Variants in KAZN observed in about 807,000 individuals in gnomAD.
The protein encoded by KAZN is kazrin, periplakin interacting protein.
A neutral mutation model predicts 87.4 loss-of-function variants in KAZN; 40 were observed. That is an observed-to-expected ratio of 0.46 (90% CI 0.36 to 0.60). The LOEUF (loss-of-function observed/expected upper bound fraction) is 0.60. KAZN is among the 20% of genes least tolerant of loss of function. The pLI, the probability that KAZN is intolerant of heterozygous loss-of-function variation, is 0.00. For synonymous variants in KAZN, 466 were observed against 458.3 expected (o/e 1.02, Z -0.22); for missense variants, 898 against 1,073.9 (o/e 0.84, Z 2.29).
chr1:14,817,524 T>G (rs1448011297), intron 1 of KAZN, among the ~76,000 whole-genome samples: 1 of 152,230 alleles, frequency 6.6e-6, no homozygotes, highest in African/African-American at 2.4e-5. Flanking sequence ...TCAGGGTTAT[T>G]CATTCTTATG....
chr1:14,596,222 A>G (rs1183917838), upstream of KAZN, among the ~76,000 whole-genome samples: 1 of 152,164 alleles, frequency 6.6e-6, no homozygotes, highest in Non-Finnish European at 1.5e-5. Context: ...TTCCCAGTGA[A>G]GTGGGAGAGA....
Position 15,021,936 on chromosome 1 carries a change from C to T in KAZN, c.419-12813C>T, listed in dbSNP as rs957365813. The stretch of plus-strand genomic sequence containing the variant: ...GGCGGAAGGCAAAAGACACTTCTTA[C>T]ATGGTGGCAGCAAGATAGAGCATGA... On this transcript the variant is annotated intron_variant, in intron 2 of 14. Coordinates refer to ENST00000376030, the MANE Select transcript of KAZN (RefSeq NM_201628.3). This position sits in a 1 kb window ranked among gnomAD's most constrained non-coding sequence, Gnocchi z 4.2. Among the ~76,000 whole-genome samples, 3 of 151,844 alleles carry T rather than the reference C, an allele frequency of 2.0e-5. No homozygotes were observed. The highest frequency in any genetic ancestry group is 4.8e-5 in the African/African-American group (2 of 41,330).
intron 2 of KAZN, among the ~76,000 whole-genome samples, chr1:14,548,462 G>T (rs937363642): frequency 6.6e-6 from 1 of 152,142 alleles, no homozygotes; most frequent in Non-Finnish European, 1.5e-5. Context: ...GCCTCCAAAA[G>T]TGCTGCGATT....
At chr1:14,875,482 TAAA>T (rs34495884) in intron 1 of KAZN, among the ~76,000 whole-genome samples, 2 of 134,142 alleles carry the variant, frequency 1.5e-5, no homozygotes. Context: ...CTTAATTTAT[TAAA>T]AAAAAAAAAA....
chr1:14,410,198 G>T (rs1419335166), intron 2 of KAZN, among the ~76,000 whole-genome samples: 1 of 152,142 alleles, frequency 6.6e-6, no homozygotes, highest in African/African-American at 2.4e-5. Context: ...CCGACTACCG[G>T]GTTCAAACAA....
intron 1 of KAZN, among the ~76,000 whole-genome samples, chr1:13,900,299 G>A (rs1639201703): frequency 6.6e-6 from 1 of 152,088 alleles, no homozygotes; most frequent in Admixed American, 6.6e-5. Flanking sequence ...AGAGGTGGGA[G>A]TCAGGATTTC....
At chr1:13,989,848 C>G (rs1475795034) in intron 1 of KAZN, among the ~76,000 whole-genome samples, 3 of 152,182 alleles carry the variant, frequency 2.0e-5, no homozygotes, top group Non-Finnish European at 4.4e-5. Context: ...ACAGTTGACT[C>G]AGACTTTGTG....
At chr1:14,159,109 C>T (rs1645656491) in intron 1 of KAZN, among the ~76,000 whole-genome samples, 1 of 152,094 alleles carries the variant, frequency 6.6e-6, no homozygotes, top group Admixed American at 6.6e-5. Context: ...CACTCTCTGC[C>T]TATGGCTTAT....
intron 1 of KAZN, among the ~76,000 whole-genome samples, chr1:14,646,556 C>G (rs576932961): frequency 6.6e-6 from 1 of 152,182 alleles, no homozygotes; most frequent in Non-Finnish European, 1.5e-5. Context: ...TTCTCAAACC[C>G]TGGCACTGCT....
chr1:14,950,791 C>T (rs1254753913), intron 1 of KAZN, among the ~76,000 whole-genome samples: 1 of 152,038 alleles, frequency 6.6e-6, no homozygotes, highest in African/African-American at 2.4e-5. Flanking sequence ...GCCTCCCAGT[C>T]CAGGGAAAAG....
chr1:14,229,297 G>A (rs147277689), intron 2 of KAZN, among the ~76,000 whole-genome samples: 2 of 152,096 alleles, frequency 1.3e-5, no homozygotes, highest in African/African-American at 2.4e-5. Context: ...TAATATATTC[G>A]GCTTTAACAT....
chr1:14,809,983 T>G (rs530186415), intron 1 of KAZN, among the ~76,000 whole-genome samples: 1 of 152,158 alleles, frequency 6.6e-6, no homozygotes, highest in Non-Finnish European at 1.5e-5. Context: ...CTGGATACTC[T>G]TTGTTTTCGG....
intron 2 of KAZN, among the ~76,000 whole-genome samples, chr1:15,030,186 TTCA>T (rs1458872353): frequency 1.3e-5 from 2 of 152,178 alleles, no homozygotes; most frequent in African/African-American, 2.4e-5. Context: ...AAATTTCCCA[TTCA>T]TCAGCGACAG....
intron 2 of KAZN, among the ~76,000 whole-genome samples, chr1:14,370,905 A>T (rs1048735091): frequency 6.6e-6 from 1 of 152,092 alleles, no homozygotes; most frequent in Non-Finnish European, 1.5e-5. Context: ...TGCTGATTTC[A>T]AACTCCTGGG....
intron 1 of KAZN, among the ~76,000 whole-genome samples, chr1:14,164,187 T>C (rs1274112513): frequency 6.6e-6 from 1 of 152,220 alleles, no homozygotes; most frequent in African/African-American, 2.4e-5. Flanking sequence ...TTAGTTTCTG[T>C]GAGTTGGAAG....
chr1:14,131,399 A>T (rs1644989339), intron 1 of KAZN, among the ~76,000 whole-genome samples: 1 of 152,178 alleles, frequency 6.6e-6, no homozygotes, highest in Admixed American at 6.5e-5. Flanking sequence ...CATTTTTATT[A>T]GTCAATCCGA....
At chr1:14,699,632 G>C (rs1351783323) in intron 1 of KAZN, among the ~76,000 whole-genome samples, 1 of 152,210 alleles carries the variant, frequency 6.6e-6, no homozygotes. Flanking sequence ...GGAGCATGAA[G>C]CTTGTTTACA....
At chr1:15,064,489 C>G (rs1183840450) in intron 7 of KAZN, among the ~76,000 whole-genome samples, 1 of 152,238 alleles carries the variant, frequency 6.6e-6, no homozygotes, top group Non-Finnish European at 1.5e-5. Flanking sequence ...TTGCAAAACT[C>G]TCCTGCAGAT....
intron 2 of KAZN, among the ~76,000 whole-genome samples, chr1:14,538,870 C>A (rs1173732481): frequency 4.8e-4 from 73 of 152,208 alleles, no homozygotes; most frequent in Non-Finnish European, 1.9e-4. Context: ...CATCCACCAC[C>A]ATTCACAGGG....
Sources: gnomAD v4.1 joint callset for allele counts (sites outside exome capture counted in the v4.1 genomes callset) on GRCh38, gnomAD v4.1.1 for gene constraint, Gnocchi (gnomAD v3.1) non-coding constraint, MANE v1.5 for transcripts, NCBI Gene and HGNC (gene_info 2026-07-23, HGNC 2026-07-21) for gene names.